The following TUBGCP6 variants were observed in gnomAD, a reference collection of about 807,000 sequenced individuals.
TUBGCP6 encodes gamma-tubulin complex component 6.
Under a neutral mutation model 175.8 loss-of-function variants are expected in TUBGCP6, and 161 were observed. That is an observed-to-expected ratio of 0.92 (90% CI 0.81 to 1.04). The LOEUF (loss-of-function observed/expected upper bound fraction) is 1.04. TUBGCP6 is among the 50% of genes least tolerant of loss of function. The pLI is 0.00. For missense variants in TUBGCP6, 2,572 were observed against 2,433.0 expected (o/e 1.06, Z -1.20); for synonymous variants, 1,173 against 1,030.5 (o/e 1.14, Z -2.65).
rs1461030133 is a variant in TUBGCP6, at chr22:50,221,072, T to A, written c.3287A>T (p.Asp1096Val). The change falls in exon 16 of 25, where the codon GAT becomes GTT. Residue 1096 changes from aspartate (D) to valine (V), a missense_variant. Asp to Val is a radical substitution (Grantham distance 152). Transcript: ENST00000248846. ...ASISLGESVS[D>V]VAPTRPRWNI... ...CCACCGTGGCCGAGTGGGAGCCACA[T>A]CTGACACAGACTCCCCTAAGCTGAT... 8.1e-6 allele frequency: 13 copies of A among 1,612,864 alleles called. No homozygotes were observed. Among genetic ancestry groups the A allele is most frequent in the Non-Finnish European group, 1.1e-5 (13 of 1,179,726 alleles).
Position 50,220,140 on chromosome 22 carries a change from C to G in TUBGCP6, c.4108+111G>C, listed in dbSNP as rs1173391686. ...CCACAGCAGCCCAGGTCCTGGCTGA[C>G]AAGGAGGCCTGAGGGGAACTTCACA... On this transcript the variant is annotated intron_variant, in intron 16 of 24. Coordinates refer to ENST00000248846, the MANE Select transcript of TUBGCP6 (RefSeq NM_020461.4). 2.6e-6 allele frequency: 4 copies of G among 1,549,380 alleles called. No individual in the cohort carries two copies. In the Admixed American group the frequency reaches 7.4e-5, roughly 29 times the overall value.
At chr22:50,226,462 C>T (rs1411777124) in intron 7 of TUBGCP6, 84 bp from the exon 8 acceptor site, 31 of 1,313,574 alleles carry the variant, frequency 2.4e-5, no homozygotes, top group Non-Finnish European at 3.2e-5. Flanking sequence ...GGGACAGGGG[C>T]GTGGCTGTCA....
Position 50,225,815 on chromosome 22 carries a change from G to A in TUBGCP6, c.1962C>T (p.Ser654=), listed in dbSNP as rs567031410. Residue 654 remains serine, a synonymous_variant, in exon 10 of 25, where the codon AGC becomes AGT. Transcript: ENST00000248846. Reference sequence around the variant, plus strand: ...GCACCTTCTCCTCCTTGCTGACAGAGCTGTGGCGGGCCACCCTCTCCATGC... The same window carrying A: ...GCACCTTCTCCTCCTTGCTGACAGAACTGTGGCGGGCCACCCTCTCCATGC... The part of the protein sequence containing the change: ...VGRMERVARH[S]SVSKEEKELR... 62 of 1,613,482 alleles carry A rather than the reference G, an allele frequency of 3.8e-5. No homozygotes were observed. In the East Asian group the frequency reaches 1.2e-3, roughly 32 times the overall value.
Position 50,226,110 on chromosome 22 carries a change from A to G in TUBGCP6, c.1773T>C (p.Ile591=), listed in dbSNP as rs1428711540. 1 of 1,614,180 alleles carries G rather than the reference A, an allele frequency of 6.2e-7. No homozygotes were observed. Among genetic ancestry groups the G allele is most frequent in the East Asian group, 2.2e-5 (1 of 44,880 alleles). The change falls in exon 9 of 25, where the codon ATT becomes ATC. Residue 591 remains isoleucine (I), a synonymous_variant. Coordinates refer to ENST00000248846, the MANE Select transcript of TUBGCP6 (RefSeq NM_020461.4). ...TTCCGCAGACGTATATGTCGTGGGCAATGTGCTTCAGAAACACGGGAACAC... is the reference window on the plus strand; with the variant it reads ...TTCCGCAGACGTATATGTCGTGGGCGATGTGCTTCAGAAACACGGGAACAC... ...EDCVPVFLKH[I]AHDIYVCGKT... is the part of the protein sequence containing the mutation.
Position 50,244,319 on chromosome 22 carries a change from T to C in TUBGCP6, c.141A>G (p.Thr47=). Reference sequence around the variant, plus strand: ...GTTGAGTCTCATCTTGAAAAAGATTTGTGAAAAGAGCATTGTAGGCCACCT... The same window carrying C: ...GTTGAGTCTCATCTTGAAAAAGATTCGTGAAAAGAGCATTGTAGGCCACCT... ...LKKVAYNALF[T]NLFQDETQQL... Residue 47 remains threonine, a synonymous_variant, in exon 1 of 25, where the codon ACA becomes ACG. Transcript: ENST00000248846. 6.2e-7 allele frequency: 1 copy of C among 1,613,622 alleles called. No homozygotes were observed. Among genetic ancestry groups the C allele is most frequent in the Non-Finnish European group, 8.5e-7 (1 of 1,180,042 alleles).
chr22:50,238,527 G>A (rs1328997225), intron 2 of TUBGCP6, among the ~76,000 whole-genome samples: 2 of 134,244 alleles, frequency 1.5e-5, no homozygotes, highest in Non-Finnish European at 3.1e-5. Flanking sequence ...TAACTTGTAG[G>A]GCCAGTTTTT....
intron 13 of TUBGCP6, chr22:50,223,268 T>A (rs1008095135): frequency 6.6e-6 from 1 of 152,274 alleles, no homozygotes; most frequent in Non-Finnish European, 1.5e-5. Flanking sequence ...TCCACACACA[T>A]CCCTCACTCG....
chr22:50,229,501 G>A lies in TUBGCP6; in HGVS notation c.1193C>T (p.Ser398Leu), dbSNP rs142435821. The A allele has an allele frequency of 7.3e-4, 1,181 of 1,610,964 alleles. 1 individual carries two copies. The highest frequency in any genetic ancestry group is 8.9e-4 in the Non-Finnish European group (1,055 of 1,178,882). Reference protein sequence around the residue: ...ASPESISSLLSEVAEYGTCYT... With the variant: ...ASPESISSLLLEVAEYGTCYT... ...GCAGGTCCCATACTCGGCCACTTCC[G>A]AGAGCAGGCTGCTGATGCTCTCGGG... The change falls in exon 4 of 25, where the codon TCG (serine) becomes TTG (leucine). Residue 398 changes from serine to leucine, a missense_variant. Coordinates refer to ENST00000248846, the MANE Select transcript of TUBGCP6 (RefSeq NM_020461.4).
At chr22:50,226,478 G>A in intron 7 of TUBGCP6, 100 bp from the exon 8 acceptor site, 7 of 1,108,106 alleles carry the variant, frequency 6.3e-6, no homozygotes, top group Non-Finnish European at 9.3e-6. Flanking sequence ...TGTCAGTGAG[G>A]GGCAAGTGGG....
intron 2 of TUBGCP6, among the ~76,000 whole-genome samples, chr22:50,236,715 G>A (rs1399634249): frequency 6.6e-6 from 1 of 152,216 alleles, no homozygotes; most frequent in Non-Finnish European, 1.5e-5. Flanking sequence ...GGGCCGCTCT[G>A]GACCCCAGAC....
At chr22:50,218,436 A>G in intron 22 of TUBGCP6, 34 bp from the exon 23 acceptor site, 1 of 1,612,740 alleles carries the variant, frequency 6.2e-7, no homozygotes, top group Non-Finnish European at 8.5e-7. Context: ...GGCAGAGGTG[A>G]GCGCAGCCTC....
In TUBGCP6 at chr22:50,244,609, T is replaced by A; in HGVS notation, c.-150A>T. 1 of 1,320,740 alleles carries A rather than the reference T, an allele frequency of 7.6e-7. No individual in the cohort carries two copies. Among genetic ancestry groups the A allele is most frequent in the Non-Finnish European group, 1.0e-6 (1 of 996,504 alleles). 81.8% of individuals were successfully genotyped at this position (1,320,740 alleles called of 1,614,324 possible). A position where few individuals can be genotyped will look rare whatever the true frequency, so the allele number is the denominator to read the frequency against. On this transcript the variant is annotated 5_prime_UTR_variant, in exon 1 of 25. Transcript: ENST00000248846. Reference sequence around the variant, plus strand: ...GCCGAAGCTCAGAACTGGTATTTTTTAAAGGAGGTCTTGCGGTTGCTCTAC... The same window carrying A: ...GCCGAAGCTCAGAACTGGTATTTTTAAAAGGAGGTCTTGCGGTTGCTCTAC...
In TUBGCP6 at chr22:50,243,757, C is replaced by T. The variant is rs752570081; in HGVS notation, c.703G>A (p.Val235Met). The change falls in exon 1 of 25, where the codon GTG becomes ATG. Residue 235 changes from valine to methionine, a missense_variant. By Grantham distance (21) the Val-to-Met change is conservative. Coordinates refer to ENST00000248846, the MANE Select transcript of TUBGCP6 (RefSeq NM_020461.4). The stretch of plus-strand genomic sequence containing the variant: ...CCAGAGAGGTCCGCATTGTCTGGCA[C>T]GGGGGGCAGGCCCAGTCGGACGTCC... ...DMDVRLGLPP[V>M]PDNADLSGLA... 9.9e-6 allele frequency: 16 copies of T among 1,613,454 alleles called. No individual in the cohort carries two copies. Among genetic ancestry groups the T allele is most frequent in the Admixed American group, 8.3e-5 (5 of 60,000 alleles).
chr22:50,234,900 C>G (rs2064749680), intron 2 of TUBGCP6, among the ~76,000 whole-genome samples: 1 of 144,974 alleles, frequency 6.9e-6, no homozygotes, highest in African/African-American at 2.7e-5. Flanking sequence ...ATCCACACCC[C>G]TGTCCACAGC....
In TUBGCP6 at chr22:50,221,635, C is replaced by T. The variant is rs140491142; in HGVS notation, c.2724G>A (p.Pro908=). 6.0e-4 allele frequency: 923 copies of T among 1,530,104 alleles called. 1 individual carries two copies. The highest frequency in any genetic ancestry group is 7.4e-4 in the Non-Finnish European group (838 of 1,138,622). The allele number at this position is 1,530,104 out of a possible 1,614,324, so 94.8% of individuals were successfully genotyped here. ...GAGGGACCATGCCAGTCTGCACGGACGGCTCAGCCCCTGGGCCCACAGGTA... is the reference window on the plus strand; with the variant it reads ...GAGGGACCATGCCAGTCTGCACGGATGGCTCAGCCCCTGGGCCCACAGGTA... ...DFLPVGPGAE[P]SVQTGMVPLL... Residue 908 remains proline (P), a synonymous_variant, in exon 16 of 25, where the codon CCG becomes CCA. Transcript: ENST00000248846.
Position 50,227,917 on chromosome 22 carries a change from G to C in TUBGCP6, c.1402C>G (p.Arg468Gly). Residue 468 changes from arginine (R) to glycine (G), a missense_variant, in exon 5 of 25, where the codon CGG becomes GGG. Arg to Gly is a moderately radical substitution (Grantham distance 125). Coordinates refer to ENST00000248846, the MANE Select transcript of TUBGCP6 (RefSeq NM_020461.4). ...TIGFLFKKLG[R>G]QLRYLAELCG... ...CATGCTGAGGCTCACCTGAGCTGCC[G>C]GCCAAGTTTCTTGAAGAGAAAACCA... 3 of 1,575,642 alleles carry C rather than the reference G, an allele frequency of 1.9e-6. No individual in the cohort carries two copies. The highest frequency in any genetic ancestry group is 1.2e-5 in the South Asian group (1 of 85,994).
intron 3 of TUBGCP6, 36 bp downstream of exon 3, chr22:50,233,280 C>A (rs1437849572): frequency 6.2e-7 from 1 of 1,603,736 alleles, no homozygotes; most frequent in Non-Finnish European, 8.5e-7. Flanking sequence ...GCAGGCCAGC[C>A]CCACACCACT....
intron 2 of TUBGCP6, among the ~76,000 whole-genome samples, chr22:50,234,115 CT>C (rs1274752822): frequency 2.7e-5 from 4 of 150,398 alleles, no homozygotes; most frequent in Admixed American, 6.6e-5. Context: ...TCCACACCCC[CT>C]GTCCACAGCA....
rs373091845 is a variant in TUBGCP6, at chr22:50,220,364, G to A, written c.3995C>T (p.Pro1332Leu). 6.4e-7 allele frequency: 1 copy of A among 1,565,116 alleles called. No individual in the cohort carries two copies. The highest frequency in any genetic ancestry group is 1.4e-5 in the African/African-American group (1 of 73,864). ...GCTCCCCTCCCCGCAGCCCGAGCTG[G>A]GGGAGGACAGAGATGGCCCCACTTC... ...PVEVGPSLSS[P>L]SSGCGEGSIS... Residue 1332 changes from proline (P) to leucine (L), a missense_variant, in exon 16 of 25, where the codon CCC (proline) becomes CTC (leucine). Coordinates refer to ENST00000248846, the MANE Select transcript of TUBGCP6 (RefSeq NM_020461.4).
Sources: gnomAD v4.1 joint callset for allele counts (sites outside exome capture counted in the v4.1 genomes callset) on GRCh38, gnomAD v4.1.1 for gene constraint, MANE v1.5 for transcripts, NCBI Gene and HGNC (gene_info 2026-07-23, HGNC 2026-07-21) for gene names.